The following KBTBD11 variants were observed in gnomAD, a reference collection of about 807,000 sequenced individuals.
The protein encoded by KBTBD11 is kelch repeat and BTB domain-containing protein 11.
For missense variants in KBTBD11, 1,390 were observed against 1,001.8 expected (o/e 1.39, Z -5.23); for synonymous variants, 747 against 499.0 (o/e 1.50, Z -6.63).
intron 1 of KBTBD11, among the ~76,000 whole-genome samples, chr8:1,996,508 C>G (rs1474753487): frequency 6.6e-6 from 1 of 151,930 alleles, no homozygotes; most frequent in Admixed American, 6.6e-5. Flanking sequence ...CCTCAGGTGA[C>G]CCACCCACCT....
Position 1,976,666 on chromosome 8 carries a change from A to G in KBTBD11, c.-909+2731A>G, listed in dbSNP as rs140163828. Among the ~76,000 whole-genome samples the G allele has an allele frequency of 1.1e-3, 173 of 152,166 alleles. 2 individuals carry two copies. The highest frequency in any genetic ancestry group is 3.4e-3 in the Admixed American group (52 of 15,284). On this transcript the variant is annotated intron_variant, in intron 1 of 1. Transcript: ENST00000320248. ...CTCTGCTATCTGCAGCTGAGACGTT[A>G]ATACAGTGAAAGGCATTCAGCATAT...
Position 2,001,474 on chromosome 8 carries a change from TGAG to T in KBTBD11, c.286_288del (p.Glu96del). On this transcript the variant is annotated inframe_deletion, in exon 2 of 2. Transcript: ENST00000320248. ...CGTCCCCGGAGGAGCTCGCGTCCCC[TGAG>T]GAGCGCGCGTGCCCGGAAGAGCCCG... The T allele has an allele frequency of 7.3e-7, 1 of 1,378,020 alleles. No homozygotes were observed. Among genetic ancestry groups the T allele is most frequent in the Non-Finnish European group, 9.3e-7 (1 of 1,073,826 alleles). The allele number at this position is 1,378,020 out of a possible 1,614,324, so 85.4% of individuals were successfully genotyped here. A position where few individuals can be genotyped will look rare whatever the true frequency, so the allele number is the denominator to read the frequency against.
chr8:1,991,677 G>A (rs1039394285), intron 1 of KBTBD11, among the ~76,000 whole-genome samples: 1 of 152,078 alleles, frequency 6.6e-6, no homozygotes, highest in Admixed American at 6.5e-5. Flanking sequence ...GACCTGCCCA[G>A]CCAGGATCCC....
rs957083710 is a variant in KBTBD11, at chr8:2,002,203, G to T, written c.1011G>T (p.Trp337Cys). The T allele has an allele frequency of 7.9e-7, 1 of 1,260,810 alleles. No individual in the cohort carries two copies. The highest frequency in any genetic ancestry group is 9.9e-7 in the Non-Finnish European group (1 of 1,006,622). The allele number at this position is 1,260,810 out of a possible 1,614,324, so 78.1% of individuals were successfully genotyped here. The change falls in exon 2 of 2, where the codon TGG (tryptophan) becomes TGT (cysteine). Residue 337 changes from tryptophan (W) to cysteine (C), a missense_variant. Physicochemically the swap from Trp to Cys is radical, Grantham distance 215 (BLOSUM62 -2). Coordinates refer to ENST00000320248, the MANE Select transcript of KBTBD11 (RefSeq NM_014867.3). The surrounding 1 kb of genome is among the most constrained non-coding windows in gnomAD (Gnocchi z 4.1). The part of the protein sequence containing the change: ...VYCFHAAAGE[W>C]RELTRLPEGA... ...GCTTCCACGCGGCGGCCGGAGAGTG[G>T]CGCGAGCTGACGCGGCTGCCCGAGG...
chr8:1,974,835 G>A (rs945880910), intron 1 of KBTBD11: 19 of 348,586 alleles, frequency 5.5e-5, no homozygotes, highest in Non-Finnish European at 7.3e-5. Context: ...TCTATTCTAA[G>A]GAAAAGAAAA....
At chr8:1,975,237 C>T (rs1482311903) in intron 1 of KBTBD11, 2 of 152,242 alleles carry the variant, frequency 1.3e-5, no homozygotes, top group African/African-American at 4.8e-5. Flanking sequence ...GAGGTAAAGC[C>T]TTTGAACTTT....
At chr8:1,989,578 AT>A (rs1053850378) in intron 1 of KBTBD11, among the ~76,000 whole-genome samples, 3 of 152,198 alleles carry the variant, frequency 2.0e-5, no homozygotes, top group African/African-American at 7.2e-5. Context: ...AGACGCTTGC[AT>A]TTTTTAAAAA....
At chr8:1,995,256 C>G (rs941021330) in intron 1 of KBTBD11, among the ~76,000 whole-genome samples, 2 of 151,892 alleles carry the variant, frequency 1.3e-5, no homozygotes, top group African/African-American at 4.8e-5. Context: ...CTTTAGTTTT[C>G]TTTTATCCAT....
At chr8:1,993,414 C>G (rs967191646) in intron 1 of KBTBD11, among the ~76,000 whole-genome samples, 2 of 98,846 alleles carry the variant, frequency 2.0e-5, no homozygotes, top group African/African-American at 3.3e-5. Flanking sequence ...TCCATCCATC[C>G]ATCCATCCAC....
rs142114368 is a variant in KBTBD11 at position 1,998,161 on chromosome 8, G to A, written c.-908-2124G>A. Among the ~76,000 whole-genome samples the A allele has an allele frequency of 9.1e-3, 1,393 of 152,288 alleles. 22 individuals carry two copies. Among genetic ancestry groups the A allele is most frequent in the African/African-American group, 0.032 (1,317 of 41,552 alleles). ...TTTCAGATTTGGGGTTTTGGGAGTT[G>A]AAATGTAAGTATAAATGCAAGTATT... On this transcript the variant is annotated intron_variant, in intron 1 of 1. Coordinates refer to ENST00000320248, the MANE Select transcript of KBTBD11 (RefSeq NM_014867.3).
In KBTBD11 at chr8:2,002,364, G is replaced by C; in HGVS notation, c.1172G>C (p.Ser391Thr). ...QVFCYNPATD[S>T]WSAVRPLRQA... is the part of the protein sequence containing the mutation. ...TTCTGCTACAACCCGGCCACGGACA[G>C]CTGGAGCGCCGTGAGGCCCCTGCGC... The change falls in exon 2 of 2, where the codon AGC becomes ACC. Residue 391 changes from serine (S) to threonine (T), a missense_variant. Ser to Thr is a moderately conservative substitution (Grantham distance 58). Transcript: ENST00000320248. This position sits in a 1 kb window ranked among gnomAD's most constrained non-coding sequence, Gnocchi z 4.1. 1 of 1,468,586 alleles carries C rather than the reference G, an allele frequency of 6.8e-7. No homozygotes were observed. Among genetic ancestry groups the C allele is most frequent in the Non-Finnish European group, 9.0e-7 (1 of 1,115,254 alleles). 91.0% of individuals were successfully genotyped at this position (1,468,586 alleles called of 1,614,324 possible).
At chr8:1,978,286 T>C (rs886121884) in intron 1 of KBTBD11, among the ~76,000 whole-genome samples, 7 of 152,220 alleles carry the variant, frequency 4.6e-5, no homozygotes, top group Non-Finnish European at 8.8e-5. Flanking sequence ...ATAGCATTCA[T>C]TTTGCTTAAA....
intron 1 of KBTBD11, among the ~76,000 whole-genome samples, chr8:1,999,027 C>G (rs1817248189): frequency 1.3e-5 from 2 of 152,170 alleles, no homozygotes. Flanking sequence ...TGTGACCTAC[C>G]CTGGGGATCA....
chr8:2,001,473 C>T lies in KBTBD11; in HGVS notation c.281C>T (p.Pro94Leu). 7 of 1,378,794 alleles carry T rather than the reference C, an allele frequency of 5.1e-6. No homozygotes were observed. Among genetic ancestry groups the T allele is most frequent in the African/African-American group, 1.5e-5 (1 of 65,624 alleles). The allele number at this position is 1,378,794 out of a possible 1,614,324, so 85.4% of individuals were successfully genotyped here. A position where few individuals can be genotyped will look rare whatever the true frequency, so the allele number is the denominator to read the frequency against. ...GAASPEELAS[P>L]EERACPEEPA... ...GCGTCCCCGGAGGAGCTCGCGTCCC[C>T]TGAGGAGCGCGCGTGCCCGGAAGAG... The change falls in exon 2 of 2, where the codon CCT becomes CTT. Residue 94 changes from proline to leucine, a missense_variant. Physicochemically the swap from Pro to Leu is moderately conservative, Grantham distance 98 (BLOSUM62 -3). Transcript: ENST00000320248.
chr8:1,996,662 G>A (rs1585751031), intron 1 of KBTBD11, among the ~76,000 whole-genome samples: 1 of 152,234 alleles, frequency 6.6e-6, no homozygotes, highest in Non-Finnish European at 1.5e-5. Flanking sequence ...TGACTGTAAT[G>A]ATTTGAAAGG....
chr8:1,981,434 C>T (rs1816537740), intron 1 of KBTBD11, among the ~76,000 whole-genome samples: 2 of 152,198 alleles, frequency 1.3e-5, no homozygotes, highest in South Asian at 4.1e-4. Context: ...TTAACTACAT[C>T]TTCAGTATGA....
intron 1 of KBTBD11, among the ~76,000 whole-genome samples, chr8:1,987,560 G>T (rs114802367): frequency 6.6e-6 from 1 of 151,872 alleles, no homozygotes; most frequent in Non-Finnish European, 1.5e-5. Flanking sequence ...CCTGCGCTCC[G>T]GCCACCCTCG....
chr8:1,994,592 C>G (rs533769088), intron 1 of KBTBD11, among the ~76,000 whole-genome samples: 1 of 152,254 alleles, frequency 6.6e-6, no homozygotes, highest in South Asian at 2.1e-4. Context: ...TGGCTAATCA[C>G]AACACCTCCC....
At chr8:1,991,054 GT>G (rs1816894729) in intron 1 of KBTBD11, among the ~76,000 whole-genome samples, 1 of 88,212 alleles carries the variant, frequency 1.1e-5, no homozygotes, top group African/African-American at 5.1e-5. Context: ...TTGGCGCCCT[GT>G]CCGGGTAGAT....
Sources: gnomAD v4.1 joint callset for allele counts (sites outside exome capture counted in the v4.1 genomes callset) on GRCh38, gnomAD v4.1.1 for gene constraint, Gnocchi (gnomAD v3.1) non-coding constraint, MANE v1.5 for transcripts, NCBI Gene and HGNC (gene_info 2026-07-23, HGNC 2026-07-21) for gene names.